MARK3: variants seen among roughly 807,000 people sequenced by gnomAD.
MARK3 encodes the protein MAP/microtubule affinity-regulating kinase 3.
MARK3 carries 46 observed loss-of-function variants against 90.1 expected under a neutral mutation model. The ratio of observed to expected loss-of-function variants is 0.51; its 90% confidence interval spans 0.40 to 0.65. MARK3 has a LOEUF of 0.65. Among genes scored for constraint, MARK3 ranks in the 30% least tolerant of loss-of-function variants. The probability of loss-of-function intolerance (pLI) is 0.00; values close to 1 mark genes in which losing one functional copy is unlikely to be tolerated. For synonymous variants in MARK3, 321 were observed against 332.6 expected (o/e 0.97, Z 0.38); for missense variants, 818 against 947.2 (o/e 0.86, Z 1.79).
At chr14:103,443,724 T>A (rs1352506986) in intron 3 of MARK3, among the ~76,000 whole-genome samples, 1 of 152,204 alleles carries the variant, frequency 6.6e-6, no homozygotes. Context: ...ATCAGTTCCT[T>A]TGAGTCTTTC....
intron 3 of MARK3, among the ~76,000 whole-genome samples, chr14:103,442,637 CAG>C (rs1224928819): frequency 6.6e-6 from 1 of 151,990 alleles, no homozygotes; most frequent in Non-Finnish European, 1.5e-5. Context: ...CTAAAACACA[CAG>C]AATTCTTGGA....
intron 3 of MARK3, among the ~76,000 whole-genome samples, chr14:103,447,052 C>G (rs766882243): frequency 1.2e-4 from 18 of 152,090 alleles, no homozygotes; most frequent in Non-Finnish European, 2.2e-4. Context: ...AAATGCTCCT[C>G]CCTTCAAAAA....
chr14:103,423,931 C>T (rs181032816), intron 2 of MARK3, among the ~76,000 whole-genome samples: 6 of 152,262 alleles, frequency 3.9e-5, no homozygotes, highest in African/African-American at 7.2e-5. Flanking sequence ...TCAGTCCGGG[C>T]GCGATGGCTC....
chr14:103,424,900 T>C (rs1470157974), intron 2 of MARK3, among the ~76,000 whole-genome samples: 1 of 152,226 alleles, frequency 6.6e-6, no homozygotes, highest in Admixed American at 6.5e-5. Context: ...TTACTGATTA[T>C]GAGTGTTCAA....
intron 3 of MARK3, among the ~76,000 whole-genome samples, chr14:103,445,949 T>G (rs1421660431): frequency 5.3e-5 from 8 of 152,218 alleles, no homozygotes; most frequent in Admixed American, 3.9e-4. Context: ...TTGTTGGTAG[T>G]TAGTGCTTTC....
chr14:103,386,263 C>T (rs777136076), intron 1 of MARK3, 183 bp downstream of exon 1: 12 of 719,990 alleles, frequency 1.7e-5, no homozygotes, highest in Admixed American at 1.6e-4. Flanking sequence ...TCCCGCTGTT[C>T]GCGGGCGGGT....
chr14:103,485,234 G>GGA (rs2093906034), intron 14 of MARK3, among the ~76,000 whole-genome samples: 1 of 80,006 alleles, frequency 1.2e-5, no homozygotes, highest in Admixed American at 1.5e-4. Flanking sequence ...CCATCTCAAA[G>GGA]AAAAAAAAAA....
intron 1 of MARK3, 28 bp from the exon 2 acceptor site, chr14:103,405,048 C>T: frequency 6.3e-7 from 1 of 1,590,338 alleles, no homozygotes; most frequent in Non-Finnish European, 8.6e-7. Context: ...TCTCTCATTT[C>T]CTTATCTTTG....
intron 14 of MARK3, chr14:103,490,402 G>A (rs1206305261): frequency 3.3e-5 from 5 of 151,856 alleles, no homozygotes; most frequent in Non-Finnish European, 7.4e-5. Flanking sequence ...ACATCAGTGC[G>A]GGCCGGGTGT....
rs142055062 is a variant in MARK3 at position 103,434,408 on chromosome 14, C to T, written c.297+5968C>T. 5.3e-5 allele frequency among the ~76,000 whole-genome samples: 8 copies of T among 152,284 alleles called. No individual in the cohort carries two copies. The East Asian group carries it at 1.5e-3, about 29-fold the overall frequency. On this transcript the variant is annotated intron_variant, in intron 3 of 17. Transcript: ENST00000429436. ...GCAAGTTACCCACAGAAGCTACTGA[C>T]TGTGAAATTTTAGCTACAGCATGAT...
At chr14:103,387,498 A>C (rs960794893) in intron 1 of MARK3, among the ~76,000 whole-genome samples, 1 of 151,912 alleles carries the variant, frequency 6.6e-6, no homozygotes, top group African/African-American at 2.4e-5. Flanking sequence ...TTATTTATTT[A>C]CTTATTTATT....
intron 15 of MARK3, among the ~76,000 whole-genome samples, chr14:103,494,656 C>G (rs2075234446): frequency 6.6e-6 from 1 of 150,526 alleles, no homozygotes; most frequent in Non-Finnish European, 1.5e-5. Flanking sequence ...TTTTTTTTCC[C>G]CACAGAGTCT....
At chr14:103,399,086 G>A (rs1035937501) in intron 1 of MARK3, among the ~76,000 whole-genome samples, 1 of 152,120 alleles carries the variant, frequency 6.6e-6, no homozygotes, top group Non-Finnish European at 1.5e-5. Flanking sequence ...TCTCTGCCTG[G>A]TAGATACAAG....
rs374007090 is a variant in MARK3, at chr14:103,435,543, G to A, written c.297+7103G>A. On this transcript the variant is annotated intron_variant, in intron 3 of 17. Transcript: ENST00000429436. ...CCTGCCTCAGCCTCCCGAGTAGCTG[G>A]GACTACAAGCACCCGCCACCACGCC... 3.2e-3 allele frequency among the ~76,000 whole-genome samples: 483 copies of A among 152,120 alleles called. 2 individuals are homozygous for A. Among genetic ancestry groups the A allele is most frequent in the Middle Eastern group, 0.027 (8 of 294 alleles).
At chr14:103,465,888 GTTTCAGGGGGTT>G (rs940238019) in intron 8 of MARK3, 72 bp from the exon 9 acceptor site, 1 of 1,555,994 alleles carries the variant, frequency 6.4e-7, no homozygotes, top group African/African-American at 1.4e-5. Flanking sequence ...AGTGCGGGGG[GTTTCAGGGGGTT>G]TTTTGTTGTG....
chr14:103,386,234 C>G (rs753227055), intron 1 of MARK3, 154 bp downstream of exon 1: 1 of 761,216 alleles, frequency 1.3e-6, no homozygotes, highest in Non-Finnish European at 2.4e-6. Context: ...CGGACCGTTT[C>G]CTCCAGAAGT....
chr14:103,491,724 T>C lies in MARK3; in HGVS notation c.1587-53T>C, dbSNP rs1465270102. The C allele has an allele frequency of 5.1e-6, 8 of 1,582,266 alleles. 1 individual carries two copies. Among genetic ancestry groups the C allele is most frequent in the Non-Finnish European group, 6.0e-6 (7 of 1,162,828 alleles). ...CTGTGTATAAAAGGTATATTGTGACTGTAAATTTTTGTATATCATGTTCTG... is the reference window on the plus strand; with the variant it reads ...CTGTGTATAAAAGGTATATTGTGACCGTAAATTTTTGTATATCATGTTCTG... On this transcript the variant is annotated intron_variant, in intron 14 of 17. Transcript: ENST00000429436.
chr14:103,446,622 G>A (rs931733669), intron 3 of MARK3, among the ~76,000 whole-genome samples: 4 of 152,106 alleles, frequency 2.6e-5, no homozygotes, highest in African/African-American at 9.7e-5. Flanking sequence ...GCAGGTTGCA[G>A]GGATGCCATG....
chr14:103,431,983 T>C (rs1951390), intron 3 of MARK3, among the ~76,000 whole-genome samples: 148,000 of 150,912 alleles, frequency 0.98, 72,619 homozygotes, highest in Non-Finnish European at 1. Context: ...GTTTCCCCCC[T>C]CCCACCTGAA....
Sources: gnomAD v4.1 joint callset for allele counts (sites outside exome capture counted in the v4.1 genomes callset) on GRCh38, gnomAD v4.1.1 for gene constraint, MANE v1.5 for transcripts, NCBI Gene and HGNC (gene_info 2026-07-23, HGNC 2026-07-21) for gene names.